The following ZNF219 variants were observed in gnomAD, a reference collection of about 807,000 sequenced individuals.
The protein encoded by ZNF219 is zinc finger protein 219.
ZNF219 carries 17 observed loss-of-function variants against 54.4 expected under a neutral mutation model. That is an observed-to-expected ratio of 0.31 (90% CI 0.21 to 0.47). The LOEUF is 0.47. Ranked by LOEUF, ZNF219 falls within the 20% of genes least tolerant of loss-of-function variation. The probability of loss-of-function intolerance (pLI) is 1.00; values close to 1 mark genes in which losing one functional copy is unlikely to be tolerated. For missense variants in ZNF219, 1,014 were observed against 1,062.3 expected (o/e 0.95, Z 0.63); for synonymous variants, 518 against 476.4 (o/e 1.09, Z -1.14).
chr14:21,090,514 G>A lies in ZNF219; in HGVS notation c.*22C>T, dbSNP rs775567429. On this transcript the variant is annotated 3_prime_UTR_variant, in exon 5 of 5. Coordinates refer to ENST00000360947, the MANE Select transcript of ZNF219 (RefSeq NM_016423.3). The surrounding 1 kb of genome is among the most constrained non-coding windows in gnomAD (Gnocchi z 4.4). ...CGCTCCGGCGGGGTAAGCTCACTAA[G>A]CTAATCGCCCCTGAGGGCCCACTAC... is the stretch of plus-strand genomic sequence containing the variant. The A allele has an allele frequency of 1.3e-6, 2 of 1,569,070 alleles. No homozygotes were observed. The highest frequency in any genetic ancestry group is 1.4e-5 in the African/African-American group (1 of 73,574).
upstream of ZNF219, chr14:21,102,332 C>T (rs1425570175): frequency 2.6e-6 from 4 of 1,516,274 alleles, no homozygotes; most frequent in Non-Finnish European, 3.6e-6. Context: ...TTGTCTTCAG[C>T]TAGGCTGCAA....
At chr14:21,095,695 T>C (rs946035559) in intron 1 of ZNF219, among the ~76,000 whole-genome samples, 8 of 152,290 alleles carry the variant, frequency 5.3e-5, no homozygotes, top group African/African-American at 1.9e-4. Context: ...AGAGGGGCTG[T>C]TTGCCATTTT....
chr14:21,090,971 G>T lies in ZNF219; in HGVS notation c.1734C>A (p.Ala578=). ...AGGTCGCAGGCTGCGGAGACGGCTT[G>T]GCTCCAGATTGCGGGGCCGAACCCC... ...SQRGSAPQSG[A]KPSPQPATWV... is the part of the protein sequence containing the mutation. Residue 578 remains alanine, a synonymous_variant, in exon 5 of 5, where the codon GCC becomes GCA. Transcript: ENST00000360947. The surrounding 1 kb of genome is among the most constrained non-coding windows in gnomAD (Gnocchi z 4.4). The T allele has an allele frequency of 6.4e-7, 1 of 1,551,884 alleles. No individual in the cohort carries two copies. Among genetic ancestry groups the T allele is most frequent in the Admixed American group, 1.9e-5 (1 of 52,558 alleles).
At chr14:21,098,899 C>T (rs1889476610), upstream of ZNF219, 1 of 1,266,830 alleles carries the variant, frequency 7.9e-7, no homozygotes, top group South Asian at 1.3e-5. Flanking sequence ...AAAGCCTCTC[C>T]CTTACAATTT....
Position 21,090,283 on chromosome 14 carries a change from C to A in ZNF219, c.*253G>T. On this transcript the variant is annotated 3_prime_UTR_variant, in exon 5 of 5. Transcript: ENST00000360947. The surrounding 1 kb of genome is among the most constrained non-coding windows in gnomAD (Gnocchi z 4.4). ...AGTGGCTCCTCAACAGGGACACAAACCTTCTCTGCCAGCCCAGGGACCCCG... is the reference window on the plus strand; with the variant it reads ...AGTGGCTCCTCAACAGGGACACAAAACTTCTCTGCCAGCCCAGGGACCCCG... The A allele has an allele frequency of 1.4e-6, 1 of 693,378 alleles. No homozygotes were observed. Among genetic ancestry groups the A allele is most frequent in the Non-Finnish European group, 2.6e-6 (1 of 380,572 alleles). The allele number at this position is 693,378 out of a possible 1,614,324, so 43.0% of individuals were successfully genotyped here.
chr14:21,102,941 C>A, upstream of ZNF219: 2 of 1,354,928 alleles, frequency 1.5e-6, no homozygotes, highest in South Asian at 1.4e-5. Context: ...ACATTTCTCC[C>A]CTAATGGTGG....
upstream of ZNF219, chr14:21,101,182 T>G (rs892682416): frequency 1.6e-5 from 10 of 608,428 alleles, no homozygotes; most frequent in Non-Finnish European, 2.3e-5. Context: ...TGCTTCAGAC[T>G]AGGTAGGTGT....
Position 21,092,049 on chromosome 14 carries a change from G to A in ZNF219, c.1248C>T (p.Ala416=), listed in dbSNP as rs1474766913. 6.5e-7 allele frequency: 1 copy of A among 1,545,824 alleles called. No homozygotes were observed. Among genetic ancestry groups the A allele is most frequent in the Admixed American group, 2.0e-5 (1 of 50,494 alleles). Residue 416 remains alanine, a synonymous_variant, in exon 3 of 5, where the codon GCC becomes GCT. Coordinates refer to ENST00000360947, the MANE Select transcript of ZNF219 (RefSeq NM_016423.3). The part of the protein sequence containing the change: ...GFRPLSSALP[A]RARRHRAEEP... ...CCTCCGCACGGTGCCGGCGAGCCCG[G>A]GCCGGGAGAGCAGAGGACAGCGGGC...
Position 21,090,461 on chromosome 14 carries a change from C to T in ZNF219, c.*75G>A. ...GTCCCACGCTGCCCCCTGCTGGCTT[C>T]TCTACCCAACTACCTCTAGCGCTCC... On this transcript the variant is annotated 3_prime_UTR_variant, in exon 5 of 5. Coordinates refer to ENST00000360947, the MANE Select transcript of ZNF219 (RefSeq NM_016423.3). The surrounding 1 kb of genome is among the most constrained non-coding windows in gnomAD (Gnocchi z 4.4). 1 of 1,507,650 alleles carries T rather than the reference C, an allele frequency of 6.6e-7. No individual in the cohort carries two copies. Among genetic ancestry groups the T allele is most frequent in the Middle Eastern group, 1.9e-4 (1 of 5,162 alleles). The allele number at this position is 1,507,650 out of a possible 1,614,324, so 93.4% of individuals were successfully genotyped here.
intron 2 of ZNF219, 36 bp downstream of exon 2, chr14:21,093,550 T>C: frequency 1.3e-6 from 2 of 1,599,602 alleles, no homozygotes; most frequent in Non-Finnish European, 1.7e-6. Flanking sequence ...TATACAGTTG[T>C]AGGTACTTGT....
chr14:21,092,331 C>T lies in ZNF219; in HGVS notation c.966G>A (p.Lys322=). The part of the protein sequence containing the change: ...KEPWFLKNHM[K]VHASKLGPLR... ...GTGGGCCCAGCTTGCTGGCGTGCAC[C>T]TTCATGTGGTTCTTAAGGAACCAGG... Residue 322 remains lysine, a synonymous_variant, in exon 3 of 5, where the codon AAG becomes AAA. Coordinates refer to ENST00000360947, the MANE Select transcript of ZNF219 (RefSeq NM_016423.3). The T allele has an allele frequency of 2.5e-6, 4 of 1,569,888 alleles. No homozygotes were observed. The highest frequency in any genetic ancestry group is 3.4e-6 in the Non-Finnish European group (4 of 1,159,950).
At position 21,090,157 on chromosome 14, in the gene ZNF219, CTACAGGGCCCCTGATGGGGCTAGAAGGG is replaced by C; in HGVS notation, c.*351_*378del. The C allele has an allele frequency of 2.0e-6, 1 of 494,588 alleles. No homozygotes were observed. Among genetic ancestry groups the C allele is most frequent in the Non-Finnish European group, 3.9e-6 (1 of 254,058 alleles). The allele number at this position is 494,588 out of a possible 1,614,324, so 30.6% of individuals were successfully genotyped here. ...GGAATCGTACCAAAAATAGCGACGTCTACAGGGCCCCTGATGGGGCTAGAAGGGTACAGTGCCCCCCACCCTCACCCCT... is the reference window on the plus strand; with the variant it reads ...GGAATCGTACCAAAAATAGCGACGTCTACAGTGCCCCCCACCCTCACCCCT... On this transcript the variant is annotated 3_prime_UTR_variant, in exon 5 of 5. Transcript: ENST00000360947. This position sits in a 1 kb window ranked among gnomAD's most constrained non-coding sequence, Gnocchi z 4.4.
chr14:21,103,130 G>A (rs1566558719), upstream of ZNF219: 2 of 1,551,640 alleles, frequency 1.3e-6, no homozygotes, highest in East Asian at 2.4e-5. Context: ...ACCTGTCTCT[G>A]GTTTTCAGGG....
rs1445749814 is a variant in ZNF219, at chr14:21,090,541, G to A, written c.2164C>T (p.Arg722Trp). The change falls in exon 5 of 5, where the codon CGG (arginine) becomes TGG (tryptophan). Residue 722 changes from arginine (R) to tryptophan (W), a missense_variant. Arg to Trp is a moderately radical substitution (Grantham distance 101, BLOSUM62 -3). Transcript: ENST00000360947. The surrounding 1 kb of genome is among the most constrained non-coding windows in gnomAD (Gnocchi z 4.4). Reference sequence around the variant, plus strand: ...TAATCGCCCCTGAGGGCCCACTACCGTTCTTGCCCCCCCAGCCCTGCCTCT... The same window carrying A: ...TAATCGCCCCTGAGGGCCCACTACCATTCTTGCCCCCCCAGCCCTGCCTCT... ...PGEAGLGGQE[R>W] 6.3e-6 allele frequency: 10 copies of A among 1,593,220 alleles called. No homozygotes were observed. Among genetic ancestry groups the A allele is most frequent in the Non-Finnish European group, 8.6e-6 (10 of 1,166,806 alleles).
rs1487225764 is a variant in ZNF219 at position 21,098,367 on chromosome 14, G to C, written c.-139C>G. ...GGCGGCGGCGGCGGCGGCGGCGGGC[G>C]GCGGGCCGGCGGCGCGGGCGTCAGC... is the stretch of plus-strand genomic sequence containing the variant. On this transcript the variant is annotated 5_prime_UTR_variant, in exon 1 of 5. Coordinates refer to ENST00000360947, the MANE Select transcript of ZNF219 (RefSeq NM_016423.3). 2 of 448,520 alleles carry C rather than the reference G, an allele frequency of 4.5e-6. No homozygotes were observed. Among genetic ancestry groups the C allele is most frequent in the Non-Finnish European group, 5.8e-6 (2 of 343,352 alleles). The allele number at this position is 448,520 out of a possible 1,614,324, so 27.8% of individuals were successfully genotyped here.
chr14:21,102,385 C>T, upstream of ZNF219: 1 of 1,551,242 alleles, frequency 6.4e-7, no homozygotes, highest in Non-Finnish European at 8.7e-7. Context: ...CTGGGCAGGG[C>T]TGAGCTGGCT....
upstream of ZNF219, chr14:21,103,235 C>T (rs1000708801): frequency 1.2e-5 from 19 of 1,551,486 alleles, no homozygotes; most frequent in Admixed American, 5.9e-5. Flanking sequence ...GGAACAGACA[C>T]GTGCTGCTCT....
At chr14:21,096,315 C>T (rs141774012) in intron 1 of ZNF219, among the ~76,000 whole-genome samples, 32 of 152,312 alleles carry the variant, frequency 2.1e-4, no homozygotes, top group African/African-American at 7.5e-4. Flanking sequence ...AATTCCCCAG[C>T]ACGGAAAGTT....
chr14:21,104,408 A>G (rs1889832263), intron 1 of ZNF219: 1 of 152,250 alleles, frequency 6.6e-6, no homozygotes, highest in African/African-American at 2.4e-5. Flanking sequence ...GGCTTGGGAA[A>G]AGCCCGGGAG....
Sources: allele counts gnomAD v4.1 joint callset (sites outside exome capture counted in the v4.1 genomes callset), GRCh38; gene constraint gnomAD v4.1.1; non-coding constraint Gnocchi (gnomAD v3.1); transcripts MANE v1.5; gene names NCBI Gene and HGNC (gene_info 2026-07-23, HGNC 2026-07-21).